Variants in SUGCT observed in about 807,000 individuals in gnomAD.
SUGCT encodes the protein succinyl-CoA:glutarate-CoA transferase.
SUGCT carries 41 observed loss-of-function variants against 55.0 expected under a neutral mutation model. The ratio of observed to expected loss-of-function variants is 0.74; its 90% CI spans 0.58 to 0.97. The LOEUF (loss-of-function observed/expected upper bound fraction) is 0.97. Among genes scored for constraint, SUGCT ranks in the 50% least tolerant of loss-of-function variants. The pLI, the probability that SUGCT is intolerant of heterozygous loss-of-function variation, is 0.00. For missense variants in SUGCT, 568 were observed against 547.8 expected, an observed-to-expected ratio of 1.04 and a Z score of -0.37; for synonymous variants, 187 against 200.4, an observed-to-expected ratio of 0.93 and a Z score of 0.56.
intron 12 of SUGCT, among the ~76,000 whole-genome samples, chr7:40,600,805 C>A (rs1289375478): frequency 6.7e-6 from 1 of 150,318 alleles, no homozygotes; most frequent in Admixed American, 6.6e-5. Context: ...GTAGATATGT[C>A]TGTGGCATGA....
At chr7:40,721,056 C>T (rs763610825) in intron 12 of SUGCT, among the ~76,000 whole-genome samples, 2 of 152,190 alleles carry the variant, frequency 1.3e-5, no homozygotes, top group Non-Finnish European at 2.9e-5. Context: ...GATGTGCCCA[C>T]TCCAGTGACC....
the SUGCT span, among the ~76,000 whole-genome samples, chr7:40,936,272 C>CT: frequency 0.33 from 49,459 of 150,830 alleles, 8,915 homozygotes; most frequent in Admixed American, 0.45. Context: ...ATCTCCTTAT[C>CT]TTTTATAGGT....
At chr7:40,614,474 A>G (rs2151778396) in intron 12 of SUGCT, among the ~76,000 whole-genome samples, 1 of 152,260 alleles carries the variant, frequency 6.6e-6, no homozygotes, top group Non-Finnish European at 1.5e-5. Flanking sequence ...GCAGCATCTC[A>G]CAAAGTCAGT....
chr7:40,495,529 T>C (rs780368408), intron 11 of SUGCT, among the ~76,000 whole-genome samples: 28 of 152,222 alleles, frequency 1.8e-4, no homozygotes, highest in Admixed American at 3.3e-4. Flanking sequence ...GGTGTCCCTA[T>C]AGATCCAAGA....
chr7:40,718,701 A>T (rs988973535), intron 12 of SUGCT, among the ~76,000 whole-genome samples: 18 of 152,220 alleles, frequency 1.2e-4, no homozygotes, highest in Non-Finnish European at 5.9e-5. Context: ...GTAAACATTT[A>T]AAAATGATTT....
chr7:40,521,707 A>G (rs1793538363), intron 12 of SUGCT, among the ~76,000 whole-genome samples: 1 of 152,066 alleles, frequency 6.6e-6, no homozygotes, highest in Non-Finnish European at 1.5e-5. Context: ...GTACTAGGTA[A>G]GAAAATTCAA....
intron 12 of SUGCT, among the ~76,000 whole-genome samples, chr7:40,711,857 A>G (rs1285778962): frequency 6.6e-6 from 1 of 152,220 alleles, no homozygotes; most frequent in African/African-American, 2.4e-5. Context: ...TGGGTCTTTG[A>G]GTTCCCTGGA....
At chr7:40,658,037 A>T (rs1801114987) in intron 12 of SUGCT, among the ~76,000 whole-genome samples, 2 of 152,334 alleles carry the variant, frequency 1.3e-5, no homozygotes, top group Middle Eastern at 3.4e-3. Context: ...ATTTCATGAA[A>T]TATAAACCTT....
chr7:40,578,655 G>A (rs996621732), intron 12 of SUGCT, among the ~76,000 whole-genome samples: 1 of 152,148 alleles, frequency 6.6e-6, no homozygotes, highest in Non-Finnish European at 1.5e-5. Context: ...AGCAAAATGA[G>A]TCTCTGAGAA....
chr7:40,781,917 T>C (rs1789770455), intron 13 of SUGCT, among the ~76,000 whole-genome samples: 1 of 152,034 alleles, frequency 6.6e-6, no homozygotes, highest in South Asian at 2.1e-4. Flanking sequence ...TTTGCATAAT[T>C]GATAGTATGA....
chr7:40,645,092 G>C (rs1186453142), intron 12 of SUGCT, among the ~76,000 whole-genome samples: 1 of 152,192 alleles, frequency 6.6e-6, no homozygotes, highest in African/African-American at 2.4e-5. Flanking sequence ...ACCCCCATCT[G>C]CTATCTCCTG....
At chr7:40,369,255 A>C (rs1784165047) in intron 9 of SUGCT, among the ~76,000 whole-genome samples, 1 of 152,144 alleles carries the variant, frequency 6.6e-6, no homozygotes, top group Non-Finnish European at 1.5e-5. Flanking sequence ...TTCTTGTTGT[A>C]ATTGTCTTCC....
chr7:40,713,125 CCCCAGTT>C (rs1785813689), intron 12 of SUGCT, among the ~76,000 whole-genome samples: 1 of 152,158 alleles, frequency 6.6e-6, no homozygotes, highest in South Asian at 2.1e-4. Context: ...GCACCCCTGG[CCCCAGTT>C]ACCTGTCAGG....
chr7:40,818,979 C>G lies in SUGCT; in HGVS notation c.1154-41337C>G, dbSNP rs13243593. Among the ~76,000 whole-genome samples, 539 of 145,086 alleles carry G rather than the reference C, an allele frequency of 3.7e-3. 1 individual carries two copies. The highest frequency in any genetic ancestry group is 0.022 in the Middle Eastern group (6 of 276). On this transcript the variant is annotated intron_variant, in intron 13 of 13. Transcript: ENST00000335693. ...TGTGTCCAAGTGTTCTCATTGTTCA[C>G]TTCCCACCTATGAGCGAGAACATGT... is the stretch of plus-strand genomic sequence containing the variant.
chr7:40,375,828 A>G (rs550927332), intron 9 of SUGCT, among the ~76,000 whole-genome samples: 1 of 152,300 alleles, frequency 6.6e-6, no homozygotes, highest in South Asian at 2.1e-4. Flanking sequence ...TGCATTTCAT[A>G]GGGCAGGGAG....
chr7:40,550,057 G>A (rs909800482), intron 12 of SUGCT, among the ~76,000 whole-genome samples: 7 of 152,194 alleles, frequency 4.6e-5, no homozygotes, highest in African/African-American at 9.7e-5. Flanking sequence ...AGGGTTGGGA[G>A]ACTTTACAAT....
At chr7:40,607,272 T>A (rs2151763972) in intron 12 of SUGCT, among the ~76,000 whole-genome samples, 1 of 152,190 alleles carries the variant, frequency 6.6e-6, no homozygotes, top group Non-Finnish European at 1.5e-5. Context: ...CTCAGCTAAT[T>A]TTTAAATTTT....
rs1562812580 is a variant in SUGCT, at chr7:40,489,052, G to GTTCC, written c.987-7230_987-7229insCCTT. Among the ~76,000 whole-genome samples, 43 of 151,912 alleles carry GTTCC rather than the reference G, an allele frequency of 2.8e-4. No individual in the cohort carries two copies. In the East Asian group the frequency reaches 7.0e-3, roughly 25 times the overall value. On this transcript the variant is annotated intron_variant, in intron 11 of 13. Transcript: ENST00000335693. ...TCCTGCTGTTATTTCTTTAAATGTG[G>GTTCC]TTGTACCCCTTTACCTTTCTCCACT...
the SUGCT span, among the ~76,000 whole-genome samples, chr7:41,028,010 T>C: frequency 6.6e-6 from 1 of 152,186 alleles, no homozygotes; most frequent in Non-Finnish European, 1.5e-5. Flanking sequence ...ATTTTCTTCA[T>C]AGATTTTAAG....
Sources: allele counts gnomAD v4.1 joint callset (sites outside exome capture counted in the v4.1 genomes callset), GRCh38; gene constraint gnomAD v4.1.1; transcripts MANE v1.5; gene names NCBI Gene and HGNC (gene_info 2026-07-23, HGNC 2026-07-21).